SERINC5: variants seen among roughly 807,000 people sequenced by gnomAD.
SERINC5 encodes chromosome 5 open reading frame 12.
Under a neutral mutation model 63.1 loss-of-function variants are expected in SERINC5, and 41 were observed. The observed-to-expected ratio is 0.65, with a 90% CI of 0.51 to 0.84. SERINC5 has a LOEUF of 0.84. Ranked by LOEUF, SERINC5 falls within the 40% of genes least tolerant of loss-of-function variation. SERINC5 has a pLI of 0.00. For synonymous variants in SERINC5, 222 were observed against 215.2 expected, an observed-to-expected ratio of 1.03 and a Z score of -0.28; for missense variants, 523 against 573.0, an observed-to-expected ratio of 0.91 and a Z score of 0.89.
At chr5:80,124,005 G>A (rs1744647183) in intron 11 of SERINC5, among the ~76,000 whole-genome samples, 1 of 152,162 alleles carries the variant, frequency 6.6e-6, no homozygotes, top group Non-Finnish European at 1.5e-5. Context: ...AGGAAGGAGA[G>A]AGAGGTATTG....
At chr5:80,246,693 TCAAA>T (rs1752185891) in intron 1 of SERINC5, among the ~76,000 whole-genome samples, 1 of 152,212 alleles carries the variant, frequency 6.6e-6, no homozygotes. Flanking sequence ...CCTTTAAAAT[TCAAA>T]CAGATGTTCT....
chr5:80,232,997 T>TA (rs1751521666), intron 1 of SERINC5, among the ~76,000 whole-genome samples: 1 of 152,176 alleles, frequency 6.6e-6, no homozygotes, highest in South Asian at 2.1e-4. Flanking sequence ...TGACTGCTAA[T>TA]AAGCATAGAG....
chr5:80,162,035 A>G (rs527424927), intron 7 of SERINC5, among the ~76,000 whole-genome samples: 1 of 152,164 alleles, frequency 6.6e-6, no homozygotes, highest in African/African-American at 2.4e-5. Context: ...ATGTGGCTTT[A>G]CTTCTGGGTT....
At chr5:80,182,554 C>A (rs565020990) in intron 2 of SERINC5, among the ~76,000 whole-genome samples, 3,206 of 48,416 alleles carry the variant, frequency 0.066, 160 homozygotes, top group African/African-American at 0.081. Flanking sequence ...GCCCCCCCCC[C>A]CTCCGCTTTT....
At chr5:80,138,552 C>A (rs563254847), downstream of SERINC5, among the ~76,000 whole-genome samples, 1 of 151,720 alleles carries the variant, frequency 6.6e-6, no homozygotes, top group East Asian at 1.9e-4. Context: ...GCCGAGATCG[C>A]GCCACTGTAC....
At chr5:80,163,512 T>C (rs569806369) in intron 7 of SERINC5, among the ~76,000 whole-genome samples, 1 of 152,152 alleles carries the variant, frequency 6.6e-6, no homozygotes, top group Admixed American at 6.5e-5. Flanking sequence ...GTATTCCTTC[T>C]ATTATTTTAA....
intron 1 of SERINC5, among the ~76,000 whole-genome samples, chr5:80,252,624 T>C (rs1278008222): frequency 1.3e-5 from 2 of 152,232 alleles, no homozygotes; most frequent in Non-Finnish European, 2.9e-5. Context: ...ATTATCCTGA[T>C]GCAGATGGGT....
intron 1 of SERINC5, among the ~76,000 whole-genome samples, chr5:80,233,861 G>T (rs1373256165): frequency 7.1e-6 from 1 of 141,642 alleles, no homozygotes; most frequent in Non-Finnish European, 1.5e-5. Flanking sequence ...GCCCAGGCTG[G>T]TGTGCAGCGG....
At chr5:80,202,865 G>A in intron 2 of SERINC5, 21 bp downstream of exon 2, 7 of 1,595,184 alleles carry the variant, frequency 4.4e-6, no homozygotes, top group South Asian at 1.1e-5. Flanking sequence ...AATAGGACGA[G>A]CTGAACACGG....
At chr5:80,125,971 C>T (rs1024035301) in intron 11 of SERINC5, among the ~76,000 whole-genome samples, 4 of 152,192 alleles carry the variant, frequency 2.6e-5, no homozygotes, top group East Asian at 3.8e-4. Context: ...CCTAGACTCA[C>T]GCTGGTTCAG....
chr5:80,196,267 G>C (rs1170597627), intron 2 of SERINC5, among the ~76,000 whole-genome samples: 1 of 152,080 alleles, frequency 6.6e-6, no homozygotes, highest in Non-Finnish European at 1.5e-5. Context: ...CAAGCGAACG[G>C]GAAGGGCAGA....
chr5:80,170,803 G>C (rs1479577344), intron 5 of SERINC5, among the ~76,000 whole-genome samples: 1 of 152,116 alleles, frequency 6.6e-6, no homozygotes, highest in Non-Finnish European at 1.5e-5. Context: ...ATCACTTGAA[G>C]CTAGGAGCTC....
intron 11 of SERINC5, among the ~76,000 whole-genome samples, chr5:80,122,117 T>C (rs777138100): frequency 2.0e-5 from 3 of 151,442 alleles, no homozygotes; most frequent in Non-Finnish European, 2.9e-5. Context: ...ATGGTGTAAA[T>C]TGCAATCTCT....
chr5:80,163,134 T>C (rs1364176391), intron 7 of SERINC5, among the ~76,000 whole-genome samples: 2 of 151,894 alleles, frequency 1.3e-5, no homozygotes, highest in African/African-American at 4.8e-5. Context: ...GGATTACAGA[T>C]GTGAGCCAAT....
chr5:80,248,042 G>A (rs1442300988), intron 1 of SERINC5, among the ~76,000 whole-genome samples: 1 of 152,010 alleles, frequency 6.6e-6, no homozygotes, highest in Non-Finnish European at 1.5e-5. Context: ...TGTAGAGACA[G>A]GGTTTCTCCA....
At chr5:80,176,206 G>A (rs1202281691) in intron 4 of SERINC5, among the ~76,000 whole-genome samples, 1 of 152,106 alleles carries the variant, frequency 6.6e-6, no homozygotes, top group Non-Finnish European at 1.5e-5. Context: ...AAAAGACTGA[G>A]CTGGACCAGA....
intron 1 of SERINC5, among the ~76,000 whole-genome samples, chr5:80,225,979 C>T (rs1480367633): frequency 6.6e-6 from 1 of 151,896 alleles, no homozygotes; most frequent in Non-Finnish European, 1.5e-5. Flanking sequence ...TTCTTAAGTA[C>T]TTCCTATGTA....
At chr5:80,205,506 T>C (rs1027396611) in intron 1 of SERINC5, among the ~76,000 whole-genome samples, 1 of 152,158 alleles carries the variant, frequency 6.6e-6, no homozygotes, top group Non-Finnish European at 1.5e-5. Context: ...TCAAAAGAAA[T>C]GGGTGCCTTT....
intron 5 of SERINC5, among the ~76,000 whole-genome samples, chr5:80,170,216 A>T (rs1053993693): frequency 1.3e-5 from 2 of 152,204 alleles, no homozygotes; most frequent in African/African-American, 4.8e-5. Context: ...TGTAATGGAC[A>T]TTGTCAGTGT....
Sources: gnomAD v4.1 joint callset for allele counts (sites outside exome capture counted in the v4.1 genomes callset) on GRCh38, gnomAD v4.1.1 for gene constraint, MANE v1.5 for transcripts, NCBI Gene and HGNC (gene_info 2026-07-23, HGNC 2026-07-21) for gene names.